TM9SF3: variants seen among roughly 807,000 people sequenced by gnomAD.
The protein encoded by TM9SF3 is SM-11044-binding protein.
TM9SF3 carries 14 observed loss-of-function variants against 78.6 expected under a neutral mutation model. The ratio of observed to expected loss-of-function variants is 0.18; its 90% CI spans 0.12 to 0.28. The LOEUF (loss-of-function observed/expected upper bound fraction) is 0.28. Ranked by LOEUF, TM9SF3 falls within the 10% of genes least tolerant of loss-of-function variation. The pLI, the probability that TM9SF3 is intolerant of heterozygous loss-of-function variation, is 1.00. For synonymous variants in TM9SF3, 231 were observed against 241.7 expected (o/e 0.96, Z 0.41); for missense variants, 496 against 721.9 (o/e 0.69, Z 3.59).
At chr10:96,562,936 G>A (rs939069729) in intron 3 of TM9SF3, among the ~76,000 whole-genome samples, 3 of 152,180 alleles carry the variant, frequency 2.0e-5, no homozygotes, top group East Asian at 1.9e-4. Context: ...TTCCCCCTAC[G>A]CTTTAGTAAG....
intron 14 of TM9SF3, among the ~76,000 whole-genome samples, chr10:96,524,996 G>C (rs1847821617): frequency 6.6e-6 from 1 of 151,952 alleles, no homozygotes; most frequent in Non-Finnish European, 1.5e-5. Flanking sequence ...AGCAGGAAAA[G>C]CACTCAAAAA....
chr10:96,576,370 GA>G (rs900446571), intron 2 of TM9SF3: 7 of 243,854 alleles, frequency 2.9e-5, no homozygotes, highest in African/African-American at 1.6e-4. Context: ...CTCATTTACA[GA>G]CTAAAACACA....
intron 5 of TM9SF3, among the ~76,000 whole-genome samples, chr10:96,554,596 T>C (rs972964610): frequency 3.3e-5 from 5 of 152,190 alleles, no homozygotes; most frequent in African/African-American, 1.2e-4. Flanking sequence ...GTCTTAGTAC[T>C]CTGCTGTGAC....
rs897626019 is a variant in TM9SF3 at position 96,572,014 on chromosome 10, T to C, written c.298+4620A>G. Among the ~76,000 whole-genome samples, 4 of 152,326 alleles carry C rather than the reference T, an allele frequency of 2.6e-5. No individual in the cohort carries two copies. The South Asian group carries it at 8.3e-4, about 32-fold the overall frequency. ...TAGACAATTTATTAAAAGCATACTA[T>C]GTCTTAACAGCTAAGGGTGCAATGG... On this transcript the variant is annotated intron_variant, in intron 2 of 14. Coordinates refer to ENST00000371142, the MANE Select transcript of TM9SF3 (RefSeq NM_020123.4).
At chr10:96,564,068 G>A (rs1848342512) in intron 3 of TM9SF3, among the ~76,000 whole-genome samples, 1 of 150,326 alleles carries the variant, frequency 6.7e-6, no homozygotes, top group African/African-American at 2.5e-5. Context: ...AGGATTGCTT[G>A]AAGCCAGAAG....
chr10:96,568,534 T>C (rs1018385347), intron 2 of TM9SF3, among the ~76,000 whole-genome samples: 1 of 152,216 alleles, frequency 6.6e-6, no homozygotes, highest in African/African-American at 2.4e-5. Context: ...CAGTTCCCAA[T>C]AAAACTCCAG....
chr10:96,551,920 T>C lies in TM9SF3; in HGVS notation c.793-509A>G, dbSNP rs1026176156. On this transcript the variant is annotated intron_variant, in intron 6 of 14. Transcript: ENST00000371142. ...GAATGTTTTTATTTAACAGTCTATA[T>C]GCATTTTTTTAAAAAGAATTCAATT... is the stretch of plus-strand genomic sequence containing the variant. Among the ~76,000 whole-genome samples the C allele has an allele frequency of 9.7e-5, 14 of 144,404 alleles. No individual in the cohort carries two copies. In the East Asian group the frequency reaches 1.6e-3, roughly 16 times the overall value. The allele number at this position is 144,404 out of a possible 152,430, so 94.7% of individuals were successfully genotyped here.
In TM9SF3 at chr10:96,533,201, A is replaced by G. The variant is rs745350224; in HGVS notation, c.1186-11T>C. On this transcript the variant is annotated splice_polypyrimidine_tract_variant and intron_variant, in intron 9 of 14. Coordinates refer to ENST00000371142, the MANE Select transcript of TM9SF3 (RefSeq NM_020123.4). ...GCAACAAACGGCCACCTGTAAATTA[A>G]ATAAAAATGTGTGATTACTCAGAGA... 2 of 1,611,148 alleles carry G rather than the reference A, an allele frequency of 1.2e-6. No homozygotes were observed. Among genetic ancestry groups the G allele is most frequent in the East Asian group, 4.5e-5 (2 of 44,698 alleles).
intron 1 of TM9SF3, among the ~76,000 whole-genome samples, chr10:96,581,611 G>A (rs925987040): frequency 2.0e-5 from 3 of 152,100 alleles, no homozygotes; most frequent in Admixed American, 1.3e-4. Context: ...ATAGGACAAC[G>A]AATTACGGCA....
At position 96,551,310 on chromosome 10, in the gene TM9SF3, T is replaced by A; in HGVS notation, c.894A>T (p.Gly298=). 2 of 1,613,052 alleles carry A rather than the reference T, an allele frequency of 1.2e-6. No homozygotes were observed. Among genetic ancestry groups the A allele is most frequent in the Non-Finnish European group, 1.7e-6 (2 of 1,179,638 alleles). The change falls in exon 7 of 15, where the codon GGA becomes GGT. Residue 298 remains glycine, a synonymous_variant. Transcript: ENST00000371142. ...TGAGAGACACAGCAAATATCTGACA[T>A]CCAGAACCAATCAGAGAGGAAAATA... ...PLIFSSLIGS[G]CQIFAVSLIV...
intron 3 of TM9SF3, among the ~76,000 whole-genome samples, chr10:96,563,144 T>C (rs1369247730): frequency 6.6e-6 from 1 of 152,130 alleles, no homozygotes; most frequent in Non-Finnish European, 1.5e-5. Context: ...GACACAATCA[T>C]AGCTCACTGC....
At position 96,520,147 on chromosome 10, in the gene TM9SF3, A is replaced by G. The variant is rs1162483591; in HGVS notation, c.*2116T>C. ...GGTATGTTAAAAGTACTTTTGAATA[A>G]AAGTGGTGAGAAAGAAACCAAAAAA... On this transcript the variant is annotated 3_prime_UTR_variant, in exon 15 of 15. Coordinates refer to ENST00000371142, the MANE Select transcript of TM9SF3 (RefSeq NM_020123.4). The G allele has an allele frequency of 2.0e-5, 3 of 152,044 alleles. No individual in the cohort carries two copies. The highest frequency in any genetic ancestry group is 1.3e-4 in the Admixed American group (2 of 15,256). The allele number at this position is 152,044 out of a possible 1,614,324, so 9.4% of individuals were successfully genotyped here.
At chr10:96,569,395 G>A (rs546744369) in intron 2 of TM9SF3, among the ~76,000 whole-genome samples, 1 of 152,274 alleles carries the variant, frequency 6.6e-6, no homozygotes, top group Admixed American at 6.5e-5. Context: ...CTACCATCGT[G>A]CTGGAATGCA....
intron 9 of TM9SF3, 107 bp from the exon 10 acceptor site, chr10:96,533,297 TAA>T (rs1294543230): frequency 4.5e-6 from 6 of 1,343,696 alleles, no homozygotes; most frequent in African/African-American, 3.0e-5. Context: ...AGAAAATGTT[TAA>T]GTTCAATATG....
At chr10:96,574,644 T>C (rs113131633) in intron 2 of TM9SF3, among the ~76,000 whole-genome samples, 4,789 of 152,228 alleles carry the variant, frequency 0.031, 250 homozygotes, top group African/African-American at 0.11. Context: ...TGTGGCACTA[T>C]TCACAACAGC....
At chr10:96,564,277 AAAC>A (rs1848345084) in intron 3 of TM9SF3, among the ~76,000 whole-genome samples, 1 of 152,150 alleles carries the variant, frequency 6.6e-6, no homozygotes, top group African/African-American at 2.4e-5. Context: ...AAGCAAGGGA[AAAC>A]AATAGGGAAG....
intron 8 of TM9SF3, among the ~76,000 whole-genome samples, chr10:96,545,034 CTG>C (rs1491120676): frequency 4.6e-5 from 7 of 152,238 alleles, no homozygotes; most frequent in Admixed American, 3.9e-4. Flanking sequence ...CTCTGTACCT[CTG>C]TGTATTGCCA....
At chr10:96,567,243 C>G (rs1848386572) in intron 2 of TM9SF3, among the ~76,000 whole-genome samples, 2 of 151,974 alleles carry the variant, frequency 1.3e-5, no homozygotes, top group Admixed American at 6.5e-5. Flanking sequence ...TGCCACCAGG[C>G]CCGACTAATT....
At chr10:96,577,320 G>A (rs904594081) in intron 1 of TM9SF3, among the ~76,000 whole-genome samples, 7 of 151,852 alleles carry the variant, frequency 4.6e-5, no homozygotes, top group African/African-American at 1.7e-4. Context: ...ACAGCCACTG[G>A]TCAAAGTACT....
Sources: gnomAD v4.1 joint callset for allele counts (sites outside exome capture counted in the v4.1 genomes callset) on GRCh38, gnomAD v4.1.1 for gene constraint, MANE v1.5 for transcripts, NCBI Gene and HGNC (gene_info 2026-07-23, HGNC 2026-07-21) for gene names.